SYN2: variants seen among roughly 807,000 people sequenced by gnomAD.
SYN2 encodes the protein synapsin II.
In SYN2, 19 loss-of-function variants were observed where a neutral mutation model predicts 50.9. The ratio of observed to expected loss-of-function variants is 0.37; its 90% CI spans 0.26 to 0.55. The LOEUF is 0.55. Among genes scored for constraint, SYN2 ranks in the 20% least tolerant of loss-of-function variants. The pLI, the probability that SYN2 is intolerant of heterozygous loss-of-function variation, is 0.81. For synonymous variants in SYN2, 255 were observed against 224.9 expected (o/e 1.13, Z -1.20); for missense variants, 587 against 576.4 (o/e 1.02, Z -0.19).
At chr3:12,108,551 C>CT (rs1390748774) in intron 1 of SYN2, among the ~76,000 whole-genome samples, 1 of 152,150 alleles carries the variant, frequency 6.6e-6, no homozygotes, top group Non-Finnish European at 1.5e-5. Flanking sequence ...TATGCTGGTT[C>CT]TTTGTTTAAT....
Position 12,187,390 on chromosome 3 carries a change from G to A in SYN2, c.1391G>A (p.Gly464Glu). ...CTAGGGGGCCCTGGGCAACCCCAAG[G>A]AATGCAGCCCCCAGGCAAGGTGCTG... ...PPQGGPGQPQ[G>E]MQPPGKVLPP... The change falls in exon 12 of 13, where the codon GGA (glycine) becomes GAA (glutamate). Residue 464 changes from glycine (G) to glutamate (E), a missense_variant. By Grantham distance (98) the Gly-to-Glu change is moderately conservative. Transcript: ENST00000621198. The A allele has an allele frequency of 1.3e-6, 2 of 1,548,008 alleles. No individual in the cohort carries two copies. The highest frequency in any genetic ancestry group is 1.4e-5 in the African/African-American group (1 of 73,104).
Position 12,076,555 on chromosome 3 carries a change from GA to G in SYN2, c.378-64086del, listed in dbSNP as rs568637288. Reference sequence around the variant, plus strand: ...ATGATGACCATGGGAAGTGAGAATGGAAAAAAAAAATGATTTCAAGGGAATC... The same window carrying G: ...ATGATGACCATGGGAAGTGAGAATGGAAAAAAAAATGATTTCAAGGGAATC... On this transcript the variant is annotated intron_variant, in intron 1 of 12. Coordinates refer to ENST00000621198, the MANE Select transcript of SYN2 (RefSeq NM_133625.6). Among the ~76,000 whole-genome samples the G allele has an allele frequency of 8.7e-4, 128 of 146,572 alleles. 2 individuals are homozygous for G. The highest frequency in any genetic ancestry group is 2.2e-3 in the African/African-American group (89 of 40,076).
chr3:12,115,585 T>C (rs1389751170), intron 1 of SYN2, among the ~76,000 whole-genome samples: 2 of 151,578 alleles, frequency 1.3e-5, no homozygotes, highest in African/African-American at 4.9e-5. Context: ...TTTAATAAGC[T>C]ATCATAGGGT....
At chr3:12,053,465 G>T (rs307559) in intron 1 of SYN2, among the ~76,000 whole-genome samples, 118,600 of 151,948 alleles carry the variant, frequency 0.78, 46,599 homozygotes, top group Middle Eastern at 0.89. Flanking sequence ...AATATATATA[G>T]ATATGATTCT....
intron 10 of SYN2, among the ~76,000 whole-genome samples, chr3:12,180,780 C>T (rs921648479): frequency 5.3e-5 from 8 of 152,182 alleles, no homozygotes; most frequent in African/African-American, 1.4e-4. Flanking sequence ...TGGAAAAGGG[C>T]ACTTCTGGGC....
At chr3:12,093,003 C>A (rs1335693726) in intron 1 of SYN2, among the ~76,000 whole-genome samples, 1 of 152,172 alleles carries the variant, frequency 6.6e-6, no homozygotes, top group Non-Finnish European at 1.5e-5. Context: ...ATCCTGATTA[C>A]TTTTCCTCTC....
intron 7 of SYN2, among the ~76,000 whole-genome samples, chr3:12,164,674 C>T (rs1245492695): frequency 6.6e-6 from 1 of 152,168 alleles, no homozygotes; most frequent in East Asian, 1.9e-4. Flanking sequence ...ATTTTTGGGT[C>T]TAGAGAATGG....
chr3:12,144,180 G>C (rs956301202), intron 3 of SYN2, among the ~76,000 whole-genome samples: 2 of 152,356 alleles, frequency 1.3e-5, no homozygotes, highest in South Asian at 4.1e-4. Context: ...AATAGCGGTG[G>C]CTAGAAGCTT....
chr3:12,041,112 G>C (rs928132864), intron 1 of SYN2, among the ~76,000 whole-genome samples: 1 of 152,188 alleles, frequency 6.6e-6, no homozygotes, highest in Non-Finnish European at 1.5e-5. Context: ...TTGCTTGACA[G>C]ACTGACTCAG....
chr3:12,173,471 C>A (rs1697982139), intron 10 of SYN2, among the ~76,000 whole-genome samples: 1 of 152,170 alleles, frequency 6.6e-6, no homozygotes, highest in African/African-American at 2.4e-5. Flanking sequence ...TTTCAAGTAT[C>A]TGCTTTCTTC....
intron 1 of SYN2, among the ~76,000 whole-genome samples, chr3:12,057,321 GTGTA>G (rs973443984): frequency 1.7e-4 from 26 of 150,044 alleles, no homozygotes; most frequent in East Asian, 3.9e-4. Context: ...GTGTGTGTGT[GTGTA>G]TACTTTTTGA....
chr3:12,187,118 C>G (rs1424680772), intron 11 of SYN2, among the ~76,000 whole-genome samples: 2 of 152,130 alleles, frequency 1.3e-5, no homozygotes, highest in East Asian at 3.9e-4. Context: ...GGCCGCTCGT[C>G]CCTGGTTCCT....
chr3:12,050,942 A>C (rs181667775), intron 1 of SYN2, among the ~76,000 whole-genome samples: 2 of 144,476 alleles, frequency 1.4e-5, no homozygotes, highest in East Asian at 4.3e-4. Context: ...TCACCTTGTT[A>C]GCCAGGATGG....
intron 10 of SYN2, among the ~76,000 whole-genome samples, chr3:12,172,075 C>T (rs549340153): frequency 6.6e-6 from 1 of 152,256 alleles, no homozygotes; most frequent in African/African-American, 2.4e-5. Flanking sequence ...CTTTTCTTTG[C>T]TCAACCTTAC....
intron 1 of SYN2, among the ~76,000 whole-genome samples, chr3:12,116,697 T>C (rs970330443): frequency 2.0e-5 from 3 of 152,198 alleles, no homozygotes; most frequent in Admixed American, 6.5e-5. Context: ...GGGTTCCCCT[T>C]TGTTGATTAC....
chr3:12,065,319 G>T (rs1162481872), intron 1 of SYN2, among the ~76,000 whole-genome samples: 1 of 152,064 alleles, frequency 6.6e-6, no homozygotes, highest in Non-Finnish European at 1.5e-5. Flanking sequence ...ACTTAAAACA[G>T]AACTACTATT....
At chr3:12,085,577 G>C (rs1695685079) in intron 1 of SYN2, among the ~76,000 whole-genome samples, 1 of 152,084 alleles carries the variant, frequency 6.6e-6, no homozygotes, top group Non-Finnish European at 1.5e-5. Context: ...AACTACAGTG[G>C]TATGAAACTA....
At chr3:12,175,676 G>C (rs369883826) in intron 10 of SYN2, among the ~76,000 whole-genome samples, 1 of 152,200 alleles carries the variant, frequency 6.6e-6, no homozygotes, top group Non-Finnish European at 1.5e-5. Context: ...TTTGATTCTA[G>C]AGGAACACCT....
chr3:12,179,571 A>G (rs1207728529), intron 10 of SYN2, among the ~76,000 whole-genome samples: 1 of 152,080 alleles, frequency 6.6e-6, no homozygotes. Flanking sequence ...TTTATATTTG[A>G]CTAATTTCAA....
Sources: allele counts gnomAD v4.1 joint callset (sites outside exome capture counted in the v4.1 genomes callset), GRCh38; gene constraint gnomAD v4.1.1; transcripts MANE v1.5; gene names NCBI Gene and HGNC (gene_info 2026-07-23, HGNC 2026-07-21).